Variants in KRTAP19-6 observed in about 807,000 individuals in gnomAD.
The protein encoded by KRTAP19-6 is keratin-associated protein 19-6.
For synonymous variants in KRTAP19-6, 20 were observed against 27.5 expected, an observed-to-expected ratio of 0.73 and a Z score of 0.85; for missense variants, 70 against 70.3, an observed-to-expected ratio of 1.00 and a Z score of 0.02.
rs1978773769 is a variant in KRTAP19-6 at position 30,541,676 on chromosome 21, C to A, written c.158G>T (p.Gly53Val). 2 of 1,613,632 alleles carry A rather than the reference C, an allele frequency of 1.2e-6. No individual in the cohort carries two copies. The highest frequency in any genetic ancestry group is 2.7e-5 in the African/African-American group (2 of 74,894). The part of the protein sequence containing the change: ...CCRPSCREGY[G>V]FSGFY Reference sequence around the variant, plus strand: ...AGTTTTTTAGTAGAATCCAGAGAATCCATATCCTTCACGGCATGATGGGCG... The same window carrying A: ...AGTTTTTTAGTAGAATCCAGAGAATACATATCCTTCACGGCATGATGGGCG... The change falls in exon 1 of 1, where the codon GGA (glycine) becomes GTA (valine). Residue 53 changes from glycine (G) to valine (V), a missense_variant. Gly to Val is a moderately radical substitution (Grantham distance 109, BLOSUM62 -3). Coordinates refer to ENST00000334046, the MANE Select transcript of KRTAP19-6 (RefSeq NM_181612.3).
chr21:30,541,554 G>T lies in KRTAP19-6; in HGVS notation c.*103C>A. On this transcript the variant is annotated 3_prime_UTR_variant, in exon 1 of 1. Transcript: ENST00000334046. Reference sequence around the variant, plus strand: ...TGGCTAGTTCCTTCTGGAGCATGAAGCCAAAAAATGGTAGGTATTTTCTCT... The same window carrying T: ...TGGCTAGTTCCTTCTGGAGCATGAATCCAAAAAATGGTAGGTATTTTCTCT... The T allele has an allele frequency of 8.3e-7, 1 of 1,203,412 alleles. No homozygotes were observed. The highest frequency in any genetic ancestry group is 1.2e-6 in the Non-Finnish European group (1 of 828,810). The allele number at this position is 1,203,412 out of a possible 1,614,324, so 74.5% of individuals were successfully genotyped here. A position where few individuals can be genotyped will look rare whatever the true frequency, so the allele number is the denominator to read the frequency against.
chr21:30,541,809 T>C lies in KRTAP19-6; in HGVS notation c.25A>G (p.Arg9Gly). 6.2e-7 allele frequency: 1 copy of C among 1,614,008 alleles called. No homozygotes were observed. Among genetic ancestry groups the C allele is most frequent in the African/African-American group, 1.3e-5 (1 of 75,030 alleles). MRYYGSYY[R>G]GLGYGCGGFG... is the part of the protein sequence containing the mutation. ...CCTCCACAGCCATATCCCAGGCCTC[T>C]GTAGTAGCTGCCATAGTATCTCATG... The change falls in exon 1 of 1, where the codon AGA becomes GGA. Residue 9 changes from arginine to glycine, a missense_variant. Physicochemically the swap from Arg to Gly is moderately radical, Grantham distance 125 (BLOSUM62 -2). Coordinates refer to ENST00000334046, the MANE Select transcript of KRTAP19-6 (RefSeq NM_181612.3).
Position 30,541,770 on chromosome 21 carries a change from C to A in KRTAP19-6, c.64G>T (p.Gly22Cys). 6.2e-7 allele frequency: 1 copy of A among 1,614,078 alleles called. No homozygotes were observed. The highest frequency in any genetic ancestry group is 1.3e-5 in the African/African-American group (1 of 75,026). The change falls in exon 1 of 1, where the codon GGC becomes TGC. Residue 22 changes from glycine to cysteine, a missense_variant. By Grantham distance (159) the Gly-to-Cys change is radical. Transcript: ENST00000334046. The stretch of plus-strand genomic sequence containing the variant: ...TAGCCTCCACAGCCACAGCCATAGC[C>A]CAGACCACCAAAGCCTCCACAGCCA... ...GYGCGGFGGL[G>C]YGCGCGGYRY...
rs754783210 is a variant in KRTAP19-6, at chr21:30,541,637, T to G, written c.*20A>C. 6.3e-7 allele frequency: 1 copy of G among 1,594,370 alleles called. No homozygotes were observed. The highest frequency in any genetic ancestry group is 1.7e-4 in the Middle Eastern group (1 of 6,026). ...TACGGGCAAGATCTTGGAGTTAGAG[T>G]ATGAGAATCAGCAAGTTTTTTAGTA... On this transcript the variant is annotated 3_prime_UTR_variant, in exon 1 of 1. Transcript: ENST00000334046.
In KRTAP19-6 at chr21:30,541,853, T is replaced by G. The variant is rs747152010; in HGVS notation, c.-20A>C. ...TCTCATGGTGTCAGGGACTAGAGAT[T>G]CAGTTCAATGCTAATGATGAGTTTC... is the stretch of plus-strand genomic sequence containing the variant. On this transcript the variant is annotated 5_prime_UTR_variant, in exon 1 of 1. Transcript: ENST00000334046. 17 of 1,605,052 alleles carry G rather than the reference T, an allele frequency of 1.1e-5. No individual in the cohort carries two copies. The Admixed American group carries it at 1.4e-4, about 13-fold the overall frequency.
Position 30,541,547 on chromosome 21 carries a change from G to T in KRTAP19-6, c.*110C>A. The stretch of plus-strand genomic sequence containing the variant: ...AAACTGATGGCTAGTTCCTTCTGGA[G>T]CATGAAGCCAAAAAATGGTAGGTAT... On this transcript the variant is annotated 3_prime_UTR_variant, in exon 1 of 1. Transcript: ENST00000334046. The T allele has an allele frequency of 3.8e-6, 4 of 1,063,868 alleles. No homozygotes were observed. Among genetic ancestry groups the T allele is most frequent in the South Asian group, 1.4e-5 (1 of 72,414 alleles). The allele number at this position is 1,063,868 out of a possible 1,614,324, so 65.9% of individuals were successfully genotyped here. A position where few individuals can be genotyped will look rare whatever the true frequency, so the allele number is the denominator to read the frequency against.
Position 30,541,769 on chromosome 21 carries a change from C to T in KRTAP19-6, c.65G>A (p.Gly22Asp). 3.7e-6 allele frequency: 6 copies of T among 1,614,090 alleles called. No homozygotes were observed. Among genetic ancestry groups the T allele is most frequent in the Non-Finnish European group, 5.1e-6 (6 of 1,179,998 alleles). The change falls in exon 1 of 1, where the codon GGC (glycine) becomes GAC (aspartate). Residue 22 changes from glycine (G) to aspartate (D), a missense_variant. By Grantham distance (94) the Gly-to-Asp change is moderately conservative (BLOSUM62 -1). Transcript: ENST00000334046. Reference protein sequence around the residue: ...GYGCGGFGGLGYGCGCGGYRY... With the variant: ...GYGCGGFGGLDYGCGCGGYRY... Reference sequence around the variant, plus strand: ...GTAGCCTCCACAGCCACAGCCATAGCCCAGACCACCAAAGCCTCCACAGCC... The same window carrying T: ...GTAGCCTCCACAGCCACAGCCATAGTCCAGACCACCAAAGCCTCCACAGCC...
rs750406046 is a variant in KRTAP19-6, at chr21:30,541,784, C to G, written c.50G>C (p.Gly17Ala). 1 of 1,614,026 alleles carries G rather than the reference C, an allele frequency of 6.2e-7. No homozygotes were observed. ...ACAGCCATAGCCCAGACCACCAAAG[C>G]CTCCACAGCCATATCCCAGGCCTCT... ...YYRGLGYGCG[G>A]FGGLGYGCGC... Residue 17 changes from glycine (G) to alanine (A), a missense_variant, in exon 1 of 1, where the codon GGC (glycine) becomes GCC (alanine). Coordinates refer to ENST00000334046, the MANE Select transcript of KRTAP19-6 (RefSeq NM_181612.3).
rs1296165444 is a variant in KRTAP19-6, at chr21:30,541,642, G to T, written c.*15C>A. ...GCAAGATCTTGGAGTTAGAGTATGAGAATCAGCAAGTTTTTTAGTAGAATC... is the reference window on the plus strand; with the variant it reads ...GCAAGATCTTGGAGTTAGAGTATGATAATCAGCAAGTTTTTTAGTAGAATC... On this transcript the variant is annotated 3_prime_UTR_variant, in exon 1 of 1. Transcript: ENST00000334046. 3 of 1,567,208 alleles carry T rather than the reference G, an allele frequency of 1.9e-6. No individual in the cohort carries two copies. The Admixed American group carries it at 5.4e-5, about 28-fold the overall frequency.
At position 30,541,736 on chromosome 21, in the gene KRTAP19-6, C is replaced by A. The variant is rs778232485; in HGVS notation, c.98G>T (p.Gly33Val). 1.9e-5 allele frequency: 31 copies of A among 1,613,698 alleles called. No individual in the cohort carries two copies. The highest frequency in any genetic ancestry group is 3.3e-4 in the Middle Eastern group (2 of 6,084). ...YGCGCGGYRYGSGYGGYRYGC... is the reference protein window; with the variant it reads ...YGCGCGGYRYVSGYGGYRYGC... ...ATATCTATAGCCTCCATAGCCAGAG[C>A]CATATCTGTAGCCTCCACAGCCACA... is the stretch of plus-strand genomic sequence containing the variant. Residue 33 changes from glycine (G) to valine (V), a missense_variant, in exon 1 of 1, where the codon GGC becomes GTC. Gly to Val is a moderately radical substitution (Grantham distance 109). Coordinates refer to ENST00000334046, the MANE Select transcript of KRTAP19-6 (RefSeq NM_181612.3).
rs1335032347 is a variant in KRTAP19-6, at chr21:30,541,580, A to G, written c.*77T>C. 3 of 1,479,856 alleles carry G rather than the reference A, an allele frequency of 2.0e-6. No individual in the cohort carries two copies. The highest frequency in any genetic ancestry group is 1.9e-6 in the Non-Finnish European group (2 of 1,062,964). 91.7% of individuals were successfully genotyped at this position (1,479,856 alleles called of 1,614,324 possible). On this transcript the variant is annotated 3_prime_UTR_variant, in exon 1 of 1. Coordinates refer to ENST00000334046, the MANE Select transcript of KRTAP19-6 (RefSeq NM_181612.3). Reference sequence around the variant, plus strand: ...CCAAAAAATGGTAGGTATTTTCTCTACATTGAGAAAAGTGTTCGCCTTGCT... The same window carrying G: ...CCAAAAAATGGTAGGTATTTTCTCTGCATTGAGAAAAGTGTTCGCCTTGCT...
chr21:30,541,716 T>G lies in KRTAP19-6; in HGVS notation c.118A>C (p.Arg40=), dbSNP rs1409966634. The G allele has an allele frequency of 1.2e-6, 2 of 1,613,710 alleles. No homozygotes were observed. Among genetic ancestry groups the G allele is most frequent in the Non-Finnish European group, 8.5e-7 (1 of 1,179,708 alleles). The part of the protein sequence containing the change: ...YRYGSGYGGY[R]YGCCRPSCRE... ...CATGATGGGCGGCAGCAGCCATATC[T>G]ATAGCCTCCATAGCCAGAGCCATAT... is the stretch of plus-strand genomic sequence containing the variant. The change falls in exon 1 of 1, where the codon AGA becomes CGA. Residue 40 remains arginine, a synonymous_variant. Coordinates refer to ENST00000334046, the MANE Select transcript of KRTAP19-6 (RefSeq NM_181612.3).
Position 30,541,672 on chromosome 21 carries a change from G to T in KRTAP19-6, c.162C>A (p.Phe54Leu). The T allele has an allele frequency of 6.2e-7, 1 of 1,613,280 alleles. No homozygotes were observed. The highest frequency in any genetic ancestry group is 8.5e-7 in the Non-Finnish European group (1 of 1,179,470). The change falls in exon 1 of 1, where the codon TTC (phenylalanine) becomes TTA (leucine). Residue 54 changes from phenylalanine to leucine, a missense_variant. Phe to Leu is a conservative substitution (Grantham distance 22). Transcript: ENST00000334046. The part of the protein sequence containing the change: ...CRPSCREGYG[F>L]SGFY ...AGCAAGTTTTTTAGTAGAATCCAGA[G>T]AATCCATATCCTTCACGGCATGATG...
rs1323242764 is a variant in KRTAP19-6 at position 30,541,751 on chromosome 21, C to G, written c.83G>C (p.Gly28Ala). The change falls in exon 1 of 1, where the codon GGA becomes GCA. Residue 28 changes from glycine (G) to alanine (A), a missense_variant. Transcript: ENST00000334046. ...FGGLGYGCGC[G>A]GYRYGSGYGG... is the part of the protein sequence containing the mutation. Reference sequence around the variant, plus strand: ...ATAGCCAGAGCCATATCTGTAGCCTCCACAGCCACAGCCATAGCCCAGACC... The same window carrying G: ...ATAGCCAGAGCCATATCTGTAGCCTGCACAGCCACAGCCATAGCCCAGACC... The G allele has an allele frequency of 6.2e-7, 1 of 1,613,760 alleles. No homozygotes were observed. The highest frequency in any genetic ancestry group is 1.3e-5 in the African/African-American group (1 of 74,896).
chr21:30,541,707 A>G lies in KRTAP19-6; in HGVS notation c.127T>C (p.Cys43Arg). ...CCTTCACGGCATGATGGGCGGCAGC[A>G]GCCATATCTATAGCCTCCATAGCCA... Reference protein sequence around the residue: ...GSGYGGYRYGCCRPSCREGYG... With the variant: ...GSGYGGYRYGRCRPSCREGYG... The change falls in exon 1 of 1, where the codon TGC (cysteine) becomes CGC (arginine). Residue 43 changes from cysteine (C) to arginine (R), a missense_variant. Cys to Arg is a radical substitution (Grantham distance 180, BLOSUM62 -3). Transcript: ENST00000334046. The G allele has an allele frequency of 6.2e-7, 1 of 1,613,846 alleles. No homozygotes were observed.
Position 30,541,795 on chromosome 21 carries a change from A to G in KRTAP19-6, c.39T>C (p.Tyr13=), listed in dbSNP as rs1281623984. The G allele has an allele frequency of 3.1e-6, 5 of 1,614,164 alleles. No individual in the cohort carries two copies. In the East Asian group the frequency reaches 8.9e-5, roughly 29 times the overall value. The part of the protein sequence containing the change: ...YYGSYYRGLG[Y]GCGGFGGLGY... The stretch of plus-strand genomic sequence containing the variant: ...CCAGACCACCAAAGCCTCCACAGCC[A>G]TATCCCAGGCCTCTGTAGTAGCTGC... The change falls in exon 1 of 1, where the codon TAT becomes TAC. Residue 13 remains tyrosine (Y), a synonymous_variant. Transcript: ENST00000334046.
Position 30,541,691 on chromosome 21 carries a change from C to T in KRTAP19-6, c.143G>A (p.Cys48Tyr). The change falls in exon 1 of 1, where the codon TGC becomes TAC. Residue 48 changes from cysteine (C) to tyrosine (Y), a missense_variant. By Grantham distance (194) the Cys-to-Tyr change is radical. Coordinates refer to ENST00000334046, the MANE Select transcript of KRTAP19-6 (RefSeq NM_181612.3). Reference protein sequence around the residue: ...GYRYGCCRPSCREGYGFSGFY With the variant: ...GYRYGCCRPSYREGYGFSGFY ...TCCAGAGAATCCATATCCTTCACGGCATGATGGGCGGCAGCAGCCATATCT... is the reference window on the plus strand; with the variant it reads ...TCCAGAGAATCCATATCCTTCACGGTATGATGGGCGGCAGCAGCCATATCT... 2 of 1,613,740 alleles carry T rather than the reference C, an allele frequency of 1.2e-6. No homozygotes were observed. The highest frequency in any genetic ancestry group is 1.1e-5 in the South Asian group (1 of 91,064).
chr21:30,541,846 T>C lies in KRTAP19-6; in HGVS notation c.-13A>G, dbSNP rs1440207082. The C allele has an allele frequency of 6.2e-7, 1 of 1,608,656 alleles. No individual in the cohort carries two copies. The highest frequency in any genetic ancestry group is 8.5e-7 in the Non-Finnish European group (1 of 1,176,570). On this transcript the variant is annotated 5_prime_UTR_variant, in exon 1 of 1. Coordinates refer to ENST00000334046, the MANE Select transcript of KRTAP19-6 (RefSeq NM_181612.3). ...CATAGTATCTCATGGTGTCAGGGAC[T>C]AGAGATTCAGTTCAATGCTAATGAT...
chr21:30,541,589 A>G lies in KRTAP19-6; in HGVS notation c.*68T>C, dbSNP rs752934030. The G allele has an allele frequency of 1.3e-6, 2 of 1,539,296 alleles. No homozygotes were observed. The highest frequency in any genetic ancestry group is 1.7e-5 in the Admixed American group (1 of 59,448). ...GGTAGGTATTTTCTCTACATTGAGA[A>G]AAGTGTTCGCCTTGCTGAAGCATAC... On this transcript the variant is annotated 3_prime_UTR_variant, in exon 1 of 1. Coordinates refer to ENST00000334046, the MANE Select transcript of KRTAP19-6 (RefSeq NM_181612.3).
Sources: gnomAD v4.1 joint callset for allele counts on GRCh38, gnomAD v4.1.1 for gene constraint, MANE v1.5 for transcripts, NCBI Gene and HGNC (gene_info 2026-07-23, HGNC 2026-07-21) for gene names.